EEF1A1: variants seen among roughly 807,000 people sequenced by gnomAD.
The protein encoded by EEF1A1 is elongation factor 1-alpha 1.
Under a neutral mutation model 38.5 loss-of-function variants are expected in EEF1A1, and 1 was observed. The observed-to-expected ratio is 0.03, with a 90% CI of 0.01 to 0.12. EEF1A1 has a LOEUF of 0.12. EEF1A1 is among the 10% of genes least tolerant of loss of function. The pLI is 1.00. For missense variants in EEF1A1, 184 were observed against 588.3 expected, an observed-to-expected ratio of 0.31 and a Z score of 7.11; for synonymous variants, 229 against 203.7, an observed-to-expected ratio of 1.12 and a Z score of -1.06.
At position 73,516,463 on chromosome 6, in the gene EEF1A1, G is replaced by A. The variant is rs1765517079; in HGVS notation, c.*1347C>T. 6.6e-6 allele frequency: 1 copy of A among 152,042 alleles called. No individual in the cohort carries two copies. The highest frequency in any genetic ancestry group is 1.5e-5 in the Non-Finnish European group (1 of 68,026). 9.4% of individuals were successfully genotyped at this position (152,042 alleles called of 1,614,324 possible). Reference sequence around the variant, plus strand: ...CATCTCTATTAAAAACACCAAATTAGCACATGCCTGTAATCCCAGCTACTT... The same window carrying A: ...CATCTCTATTAAAAACACCAAATTAACACATGCCTGTAATCCCAGCTACTT... On this transcript the variant is annotated 3_prime_UTR_variant, in exon 8 of 8. Transcript: ENST00000309268.
chr6:73,518,918 T>C lies in EEF1A1; in HGVS notation c.621+14A>G, dbSNP rs751514664. ...TCCCAGAGCTTTTTAACAATGGTCT[T>C]GAAAGCCACTTACGTTAGCACTTGG... On this transcript the variant is annotated intron_variant, in intron 4 of 7. Coordinates refer to ENST00000309268, the MANE Select transcript of EEF1A1 (RefSeq NM_001402.6). 3 of 1,611,674 alleles carry C rather than the reference T, an allele frequency of 1.9e-6. No homozygotes were observed. The highest frequency in any genetic ancestry group is 1.7e-6 in the Non-Finnish European group (2 of 1,177,978).
Position 73,519,318 on chromosome 6 carries a change from AATT to A in EEF1A1, c.324+16_324+18del, listed in dbSNP as rs1230708585. The A allele has an allele frequency of 1.1e-5, 17 of 1,606,690 alleles. No individual in the cohort carries two copies. The highest frequency in any genetic ancestry group is 4.4e-5 in the South Asian group (4 of 90,854). ...AGCCTTTTGGGATAAAGAAACCTAG[AATT>A]ATTAATCCCACCAACCTGAGATGTC... On this transcript the variant is annotated intron_variant, in intron 3 of 7. Transcript: ENST00000309268.
rs570129661 is a variant in EEF1A1, at chr6:73,516,369, C to G, written c.*1441G>C. 1 of 151,438 alleles carries G rather than the reference C, an allele frequency of 6.6e-6. No homozygotes were observed. The highest frequency in any genetic ancestry group is 2.0e-4 in the East Asian group (1 of 5,082). 9.4% of individuals were successfully genotyped at this position (151,438 alleles called of 1,614,324 possible). On this transcript the variant is annotated 3_prime_UTR_variant, in exon 8 of 8. Transcript: ENST00000309268. ...GTGGCTCATGCCTGTAATTCCAGCA[C>G]TTTAGGAGGCCGAGGCGATCACCTA...
At position 73,516,374 on chromosome 6, in the gene EEF1A1, G is replaced by A. The variant is rs777896514; in HGVS notation, c.*1436C>T. 2 of 151,518 alleles carry A rather than the reference G, an allele frequency of 1.3e-5. No homozygotes were observed. Among genetic ancestry groups the A allele is most frequent in the African/African-American group, 4.9e-5 (2 of 41,184 alleles). 9.4% of individuals were successfully genotyped at this position (151,518 alleles called of 1,614,324 possible). ...TCATGCCTGTAATTCCAGCACTTTA[G>A]GAGGCCGAGGCGATCACCTAAGGTC... On this transcript the variant is annotated 3_prime_UTR_variant, in exon 8 of 8. Transcript: ENST00000309268.
In EEF1A1 at chr6:73,519,532, G is replaced by A. The variant is rs201838097; in HGVS notation, c.145-16C>T. On this transcript the variant is annotated splice_polypyrimidine_tract_variant and intron_variant, in intron 2 of 7. Coordinates refer to ENST00000309268, the MANE Select transcript of EEF1A1 (RefSeq NM_001402.6). ...CCTTTCCCATCTGTAAGGATTAAGA[G>A]TCGTTACTTGGTTACTAAAACACAA... is the stretch of plus-strand genomic sequence containing the variant. 1.5e-5 allele frequency: 24 copies of A among 1,577,996 alleles called. No homozygotes were observed. Among genetic ancestry groups the A allele is most frequent in the Non-Finnish European group, 2.1e-5 (24 of 1,166,596 alleles).
Position 73,519,103 on chromosome 6 carries a change from G to A in EEF1A1, c.450C>T (p.Val150=), listed in dbSNP as rs760743287. ...CAGTGGAATCCATTTTGTTAACACC[G>A]ACAATTAGTTGTTTCACACCCAGTG... is the stretch of plus-strand genomic sequence containing the variant. The part of the protein sequence containing the change: ...AYTLGVKQLI[V]GVNKMDSTEP... Residue 150 remains valine, a synonymous_variant, in exon 4 of 8, where the codon GTC becomes GTT. Coordinates refer to ENST00000309268, the MANE Select transcript of EEF1A1 (RefSeq NM_001402.6). 50 of 1,600,490 alleles carry A rather than the reference G, an allele frequency of 3.1e-5. No homozygotes were observed. Among genetic ancestry groups the A allele is most frequent in the South Asian group, 6.6e-5 (6 of 90,892 alleles).
intron 3 of EEF1A1, 23 bp downstream of exon 3, chr6:73,519,314 C>A: frequency 1.2e-6 from 2 of 1,604,386 alleles, no homozygotes; most frequent in South Asian, 2.2e-5. Flanking sequence ...ATAAAGAAAC[C>A]TAGAATTATT....
chr6:73,518,650 G>GACA (rs775393885), intron 5 of EEF1A1, 40 bp from the exon 6 acceptor site: 1 of 1,612,940 alleles, frequency 6.2e-7, no homozygotes, highest in Non-Finnish European at 8.5e-7. Flanking sequence ...TATGAAGGCA[G>GACA]ACAGTACTCT....
rs1314533719 is a variant in EEF1A1 at position 73,517,234 on chromosome 6, A to C, written c.*576T>G. 1 of 152,178 alleles carries C rather than the reference A, an allele frequency of 6.6e-6. No individual in the cohort carries two copies. The highest frequency in any genetic ancestry group is 1.5e-5 in the Non-Finnish European group (1 of 68,110). The allele number at this position is 152,178 out of a possible 1,614,324, so 9.4% of individuals were successfully genotyped here. ...CACTTAACATTGGTTTAGCAACATG[A>C]AGCTTTCTATGCAACACAAGGACTC... On this transcript the variant is annotated 3_prime_UTR_variant, in exon 8 of 8. Transcript: ENST00000309268.
chr6:73,518,914 G>C lies in EEF1A1; in HGVS notation c.621+18C>G. On this transcript the variant is annotated intron_variant, in intron 4 of 7. Transcript: ENST00000309268. Reference sequence around the variant, plus strand: ...CCATTCCCAGAGCTTTTTAACAATGGTCTTGAAAGCCACTTACGTTAGCAC... The same window carrying C: ...CCATTCCCAGAGCTTTTTAACAATGCTCTTGAAAGCCACTTACGTTAGCAC... 1 of 1,611,492 alleles carries C rather than the reference G, an allele frequency of 6.2e-7. No individual in the cohort carries two copies. Among genetic ancestry groups the C allele is most frequent in the South Asian group, 1.1e-5 (1 of 91,068 alleles).
rs1321948127 is a variant in EEF1A1 at position 73,516,659 on chromosome 6, G to C, written c.*1151C>G. The stretch of plus-strand genomic sequence containing the variant: ...AATTTTACCTATCCTTCAAACTTAA[G>C]CAAAAATTTTCCTTTTATAACCAAA... On this transcript the variant is annotated 3_prime_UTR_variant, in exon 8 of 8. Coordinates refer to ENST00000309268, the MANE Select transcript of EEF1A1 (RefSeq NM_001402.6). The C allele has an allele frequency of 1.3e-5, 2 of 151,416 alleles. No homozygotes were observed. The highest frequency in any genetic ancestry group is 2.9e-5 in the Non-Finnish European group (2 of 67,896). 9.4% of individuals were successfully genotyped at this position (151,416 alleles called of 1,614,324 possible). A position where few individuals can be genotyped will look rare whatever the true frequency, so the allele number is the denominator to read the frequency against.
rs1765535183 is a variant in EEF1A1 at position 73,517,024 on chromosome 6, T to A, written c.*786A>T. 6.6e-6 allele frequency: 1 copy of A among 152,206 alleles called. No individual in the cohort carries two copies. The highest frequency in any genetic ancestry group is 1.5e-5 in the Non-Finnish European group (1 of 68,056). The allele number at this position is 152,206 out of a possible 1,614,324, so 9.4% of individuals were successfully genotyped here. A position where few individuals can be genotyped will look rare whatever the true frequency, so the allele number is the denominator to read the frequency against. Reference sequence around the variant, plus strand: ...GCACTCAATAGAACTTGTGAAACCATCAAACTGGCATAAAGCTTACTCCAC... The same window carrying A: ...GCACTCAATAGAACTTGTGAAACCAACAAACTGGCATAAAGCTTACTCCAC... On this transcript the variant is annotated 3_prime_UTR_variant, in exon 8 of 8. Coordinates refer to ENST00000309268, the MANE Select transcript of EEF1A1 (RefSeq NM_001402.6).
In EEF1A1 at chr6:73,518,765, G is replaced by C. The variant is rs11550831; in HGVS notation, c.705C>G (p.Ile235Met). 2 of 1,614,236 alleles carry C rather than the reference G, an allele frequency of 1.2e-6. No homozygotes were observed. Among genetic ancestry groups the C allele is most frequent in the Admixed American group, 3.3e-5 (2 of 60,014 alleles). The change falls in exon 5 of 8, where the codon ATC (isoleucine) becomes ATG (methionine). Residue 235 changes from isoleucine to methionine, a missense_variant. Coordinates refer to ENST00000309268, the MANE Select transcript of EEF1A1 (RefSeq NM_001402.6). ...TGTCAGTTGGACGAGTTGGTGGTAG[G>C]ATGCAGTCCAGAGCCTCAAGCAGCG... ...GTTLLEALDC[I>M]LPPTRPTDKP... is the part of the protein sequence containing the mutation.
Position 73,515,776 on chromosome 6 carries a change from G to C in EEF1A1, c.*2034C>G, listed in dbSNP as rs1765500501. On this transcript the variant is annotated 3_prime_UTR_variant, in exon 8 of 8. Transcript: ENST00000309268. ...TAAAGCTTAAAATTCATTTATTGTA[G>C]TGAGCAAGTTTGTAATGAATACCAG... The C allele has an allele frequency of 6.6e-6, 1 of 152,218 alleles. No individual in the cohort carries two copies. The highest frequency in any genetic ancestry group is 1.5e-5 in the Non-Finnish European group (1 of 68,036). The allele number at this position is 152,218 out of a possible 1,614,324, so 9.4% of individuals were successfully genotyped here.
chr6:73,518,445 T>C lies in EEF1A1; in HGVS notation c.938A>G (p.Lys313Arg). 6.2e-7 allele frequency: 1 copy of C among 1,613,942 alleles called. No individual in the cohort carries two copies. Among genetic ancestry groups the C allele is most frequent in the Non-Finnish European group, 8.5e-7 (1 of 1,179,962 alleles). Residue 313 changes from lysine to arginine, a missense_variant, in exon 6 of 8, where the codon AAG (lysine) becomes AGG (arginine). Lys to Arg is a conservative substitution (Grantham distance 26, BLOSUM62 2). Around this residue, in one of 3 missense-constraint regions of EEF1A1, gnomAD observed 81 missense variants for 286.3 expected, o/e 0.28. Coordinates refer to ENST00000309268, the MANE Select transcript of EEF1A1 (RefSeq NM_001402.6). Reference sequence around the variant, plus strand: ...ACGAACATCCTTGACAGACACATTCTTGACATTGAAGCCCACATTGTCCCC... The same window carrying C: ...ACGAACATCCTTGACAGACACATTCCTGACATTGAAGCCCACATTGTCCCC... ...LPGDNVGFNVKNVSVKDVRRG... is the reference protein window; with the variant it reads ...LPGDNVGFNVRNVSVKDVRRG...
chr6:73,518,927 C>T lies in EEF1A1; in HGVS notation c.621+5G>A, dbSNP rs1389767288. 4 of 1,612,422 alleles carry T rather than the reference C, an allele frequency of 2.5e-6. No individual in the cohort carries two copies. In the South Asian group the frequency reaches 3.3e-5, roughly 13 times the overall value. On this transcript the variant is annotated splice_donor_5th_base_variant and intron_variant, in intron 4 of 7. Coordinates refer to ENST00000309268, the MANE Select transcript of EEF1A1 (RefSeq NM_001402.6). ...TTTTTAACAATGGTCTTGAAAGCCA[C>T]TTACGTTAGCACTTGGCTCCAGCAT...
chr6:73,516,690 A>C lies in EEF1A1; in HGVS notation c.*1120T>G, dbSNP rs1239293605. 4.6e-5 allele frequency: 7 copies of C among 152,048 alleles called. No homozygotes were observed. The highest frequency in any genetic ancestry group is 4.1e-4 in the South Asian group (2 of 4,824). The allele number at this position is 152,048 out of a possible 1,614,324, so 9.4% of individuals were successfully genotyped here. On this transcript the variant is annotated 3_prime_UTR_variant, in exon 8 of 8. Transcript: ENST00000309268. ...ATTTTCCTTTTATAACCAAAAAAAA[A>C]CCTTTAGACACTTTTACATATGGGA...
At chr6:73,518,674 C>T in intron 5 of EEF1A1, 24 bp downstream of exon 5, 1 of 1,608,188 alleles carries the variant, frequency 6.2e-7, no homozygotes, top group Non-Finnish European at 8.5e-7. Flanking sequence ...AACTCAAATT[C>T]AACTTTGTTT....
In EEF1A1 at chr6:73,518,435, A is replaced by T. The variant is rs1263299595; in HGVS notation, c.948T>A (p.Ser316=). 1 of 1,613,722 alleles carries T rather than the reference A, an allele frequency of 6.2e-7. No homozygotes were observed. Among genetic ancestry groups the T allele is most frequent in the Non-Finnish European group, 8.5e-7 (1 of 1,179,972 alleles). The change falls in exon 6 of 8, where the codon TCT becomes TCA. Residue 316 remains serine, a synonymous_variant. Coordinates refer to ENST00000309268, the MANE Select transcript of EEF1A1 (RefSeq NM_001402.6). ...CGTTGCCACGACGAACATCCTTGAC[A>T]GACACATTCTTGACATTGAAGCCCA... The part of the protein sequence containing the change: ...DNVGFNVKNV[S]VKDVRRGNVA...
Sources: gnomAD v4.1 joint callset for allele counts on GRCh38, gnomAD v4.1.1 for gene constraint, gnomAD v4.1.1 regional missense constraint, MANE v1.5 for transcripts, NCBI Gene and HGNC (gene_info 2026-07-23, HGNC 2026-07-21) for gene names.